OSBPL7: variants seen among roughly 807,000 people sequenced by gnomAD.
OSBPL7 encodes the protein oxysterol-binding protein-related protein 7.
Under a neutral mutation model 115.8 loss-of-function variants are expected in OSBPL7, and 66 were observed. The ratio of observed to expected loss-of-function variants is 0.57; its 90% CI spans 0.47 to 0.70. The LOEUF is 0.70. Among genes scored for constraint, OSBPL7 ranks in the 30% least tolerant of loss-of-function variants. OSBPL7 has a pLI of 0.00. For synonymous variants in OSBPL7, 441 were observed against 439.2 expected, an observed-to-expected ratio of 1.00 and a Z score of -0.05; for missense variants, 902 against 1,125.5, an observed-to-expected ratio of 0.80 and a Z score of 2.84.
intron 12 of OSBPL7, 173 bp from the exon 13 acceptor site, chr17:47,815,525 T>C (rs138568099): frequency 3.9e-6 from 3 of 763,024 alleles, no homozygotes; most frequent in East Asian, 5.4e-5. Context: ...GACAAAGGCA[T>C]AGTAAAATGA....
rs2032928418 is a variant in OSBPL7, at chr17:47,808,485, G to C, written c.2420+53C>G. 1 of 1,613,976 alleles carries C rather than the reference G, an allele frequency of 6.2e-7. No homozygotes were observed. Among genetic ancestry groups the C allele is most frequent in the South Asian group, 1.1e-5 (1 of 91,072 alleles). ...AGGTGCTGCCTCCCACACCTGCCCT[G>C]CTCCAAGCAGGGCTCATGGGGAGAC... On this transcript the variant is annotated intron_variant, in intron 22 of 22. Transcript: ENST00000007414. This position sits in a 1 kb window ranked among gnomAD's most constrained non-coding sequence, Gnocchi z 6.1.
intron 13 of OSBPL7, 175 bp from the exon 14 acceptor site, chr17:47,814,789 T>C: frequency 1.6e-6 from 1 of 624,602 alleles, no homozygotes; most frequent in Non-Finnish European, 2.8e-6. Flanking sequence ...CATCACGGAG[T>C]GTGCCCAGCC....
intron 14 of OSBPL7, among the ~76,000 whole-genome samples, chr17:47,814,120 C>G (rs1452046429): frequency 2.0e-5 from 3 of 152,204 alleles, no homozygotes; most frequent in African/African-American, 4.8e-5. Flanking sequence ...TCACCCTTGC[C>G]TTTTGTTCCC....
rs1470406365 is a variant in OSBPL7 at position 47,816,961 on chromosome 17, T to C, written c.703-89A>G. 12 of 1,305,398 alleles carry C rather than the reference T, an allele frequency of 9.2e-6. No homozygotes were observed. The African/African-American group carries it at 1.7e-4, about 19-fold the overall frequency. The allele number at this position is 1,305,398 out of a possible 1,614,324, so 80.9% of individuals were successfully genotyped here. A position where few individuals can be genotyped will look rare whatever the true frequency, so the allele number is the denominator to read the frequency against. On this transcript the variant is annotated intron_variant, in intron 8 of 22. Transcript: ENST00000007414. The surrounding 1 kb of genome is among the most constrained non-coding windows in gnomAD (Gnocchi z 5.8). The stretch of plus-strand genomic sequence containing the variant: ...AGCCTGGGAGAGGTAGACGGCCTCC[T>C]GCGCCATGGAGGAGGGCGCAGATTA...
In OSBPL7 at chr17:47,808,317, T is replaced by C; in HGVS notation, c.2503A>G (p.Asn835Asp). The C allele has an allele frequency of 1.2e-6, 2 of 1,613,728 alleles. No homozygotes were observed. Among genetic ancestry groups the C allele is most frequent in the South Asian group, 2.2e-5 (2 of 91,074 alleles). The change falls in exon 23 of 23, where the codon AAC becomes GAC. Residue 835 changes from asparagine (N) to aspartate (D), a missense_variant. By Grantham distance (23) the Asn-to-Asp change is conservative. Around this residue, in one of 3 missense-constraint regions of OSBPL7, gnomAD observed 230 missense variants for 312.7 expected, o/e 0.74. Transcript: ENST00000007414. The surrounding 1 kb of genome is among the most constrained non-coding windows in gnomAD (Gnocchi z 6.1). The stretch of plus-strand genomic sequence containing the variant: ...TACCAGAGCACGGCCCCATCCATGT[T>C]CCCATAGCCTGGCTCGGCCCGCAGC... ...WRLRAEPGYG[N>D]MDGAVLW
In OSBPL7 at chr17:47,818,297, G is replaced by C; in HGVS notation, c.570C>G (p.Asp190Glu). The change falls in exon 7 of 23, where the codon GAC becomes GAG. Residue 190 changes from aspartate (D) to glutamate (E), a missense_variant. By Grantham distance (45) the Asp-to-Glu change is conservative. Coordinates refer to ENST00000007414, the MANE Select transcript of OSBPL7 (RefSeq NM_145798.3). ...GAGAGCAGCGGTCCAGCCCATCACT[G>C]TCCCTCAGCCAGGAAGACACTTTCT... ...PREKVSSWLR[D>E]SDGLDRCSHE... The C allele has an allele frequency of 1.2e-6, 2 of 1,614,050 alleles. No individual in the cohort carries two copies. The highest frequency in any genetic ancestry group is 1.7e-6 in the Non-Finnish European group (2 of 1,179,976).
In OSBPL7 at chr17:47,808,100, A is replaced by G; in HGVS notation, c.*191T>C. On this transcript the variant is annotated 3_prime_UTR_variant, in exon 23 of 23. Transcript: ENST00000007414. This position sits in a 1 kb window ranked among gnomAD's most constrained non-coding sequence, Gnocchi z 6.1. ...TGGGGAAGCACAGATTCTGCTTCTC[A>G]CCCCAAACGGTGGGGTTGGGGGTGG... 1.7e-6 allele frequency: 1 copy of G among 590,380 alleles called. No individual in the cohort carries two copies. The highest frequency in any genetic ancestry group is 1.9e-5 in the African/African-American group (1 of 53,718). 36.6% of individuals were successfully genotyped at this position (590,380 alleles called of 1,614,324 possible).
Position 47,816,454 on chromosome 17 carries a change from G to C in OSBPL7, c.957C>G (p.Ala319=). 9 of 1,546,530 alleles carry C rather than the reference G, an allele frequency of 5.8e-6. No individual in the cohort carries two copies. Among genetic ancestry groups the C allele is most frequent in the Non-Finnish European group, 7.9e-6 (9 of 1,144,548 alleles). The change falls in exon 11 of 23, where the codon GCC becomes GCG. Residue 319 remains alanine (A), a synonymous_variant. Transcript: ENST00000007414. This position sits in a 1 kb window ranked among gnomAD's most constrained non-coding sequence, Gnocchi z 5.8. Reference sequence around the variant, plus strand: ...GTTGGTCCCGTTCCATGGTGAGGGCGGCCAGGACGCTGCTGAGGGAGCTGT... The same window carrying C: ...GTTGGTCCCGTTCCATGGTGAGGGCCGCCAGGACGCTGCTGAGGGAGCTGT... ...KVHSSLSSVL[A]ALTMERDQLR... is the part of the protein sequence containing the mutation.
chr17:47,808,086 A>G lies in OSBPL7; in HGVS notation c.*205T>C, dbSNP rs2032911076. On this transcript the variant is annotated 3_prime_UTR_variant, in exon 23 of 23. Transcript: ENST00000007414. This position sits in a 1 kb window ranked among gnomAD's most constrained non-coding sequence, Gnocchi z 6.1. Reference sequence around the variant, plus strand: ...TGGGGCAAGGAGACTGGGGAAGCACAGATTCTGCTTCTCACCCCAAACGGT... The same window carrying G: ...TGGGGCAAGGAGACTGGGGAAGCACGGATTCTGCTTCTCACCCCAAACGGT... 3 of 587,388 alleles carry G rather than the reference A, an allele frequency of 5.1e-6. No individual in the cohort carries two copies. The South Asian group carries it at 6.2e-5, about 12-fold the overall frequency. 36.4% of individuals were successfully genotyped at this position (587,388 alleles called of 1,614,324 possible).
rs1362755570 is a variant in OSBPL7, at chr17:47,816,754, T to C, written c.795+26A>G. The C allele has an allele frequency of 3.7e-6, 6 of 1,613,986 alleles. No homozygotes were observed. The highest frequency in any genetic ancestry group is 5.1e-6 in the Non-Finnish European group (6 of 1,180,008). ...CCTCCTTAGAGCATCCTGCCCCAGC[T>C]ACGTGAGGTGCATGCCCGACCTCAC... On this transcript the variant is annotated intron_variant, in intron 9 of 22. Transcript: ENST00000007414. This position sits in a 1 kb window ranked among gnomAD's most constrained non-coding sequence, Gnocchi z 5.8.
intron 13 of OSBPL7, chr17:47,814,914 G>A: frequency 1.8e-6 from 1 of 555,954 alleles, no homozygotes; most frequent in Non-Finnish European, 3.2e-6. Context: ...TTTGGAAGAG[G>A]GAATCAAGGG....
chr17:47,819,869 T>C, intron 3 of OSBPL7, 87 bp from the exon 4 acceptor site: 1 of 1,609,298 alleles, frequency 6.2e-7, no homozygotes, highest in Non-Finnish European at 8.5e-7. Flanking sequence ...TAGCTTTTCT[T>C]TTCCTTCTCA....
rs2033316499 is a variant in OSBPL7, at chr17:47,819,028, C to T, written c.327G>A (p.Gln109=). The stretch of plus-strand genomic sequence containing the variant: ...TGTCTTCAGTGTCAAGGTCAATGCG[C>T]TGGGCCTTTTTGTTGATGGACATGA... The part of the protein sequence containing the change: ...LSVMSINKKA[Q]RIDLDTEDNI... The change falls in exon 5 of 23, where the codon CAG becomes CAA. Residue 109 remains glutamine (Q), a synonymous_variant. Transcript: ENST00000007414. The T allele has an allele frequency of 1.4e-5, 23 of 1,614,062 alleles. No homozygotes were observed. The highest frequency in any genetic ancestry group is 1.9e-5 in the Non-Finnish European group (22 of 1,180,024).
At chr17:47,821,504 G>T (rs555604716) in intron 1 of OSBPL7, among the ~76,000 whole-genome samples, 162 bp downstream of exon 1, 154 of 152,322 alleles carry the variant, frequency 1.0e-3, no homozygotes, top group Middle Eastern at 6.8e-3. Context: ...GCCCCTCACT[G>T]CTTGTGGGTA....
intron 16 of OSBPL7, among the ~76,000 whole-genome samples, chr17:47,812,137 A>G (rs1050979952): frequency 3.9e-5 from 6 of 152,130 alleles, no homozygotes; most frequent in Non-Finnish European, 7.4e-5. Context: ...TTTGGAAAAT[A>G]GTCTGCTTTT....
rs371123008 is a variant in OSBPL7, at chr17:47,819,912, GC to G, written c.201+58del. ...AACACCATTGGACTGCCCAGCAGCT[GC>G]CCCCCATTCCCACCCCGCCCCCCAT... On this transcript the variant is annotated intron_variant, in intron 3 of 22. Transcript: ENST00000007414. 10 of 1,486,064 alleles carry G rather than the reference GC, an allele frequency of 6.7e-6. No homozygotes were observed. The African/African-American group carries it at 9.8e-5, about 15-fold the overall frequency. The allele number at this position is 1,486,064 out of a possible 1,614,324, so 92.1% of individuals were successfully genotyped here.
At chr17:47,815,579 T>C (rs1039253780) in intron 12 of OSBPL7, 34 of 575,242 alleles carry the variant, frequency 5.9e-5, no homozygotes, top group Non-Finnish European at 7.9e-5. Context: ...ATTATAACTG[T>C]TTACACTTCC....
At chr17:47,818,450 T>G in intron 6 of OSBPL7, 56 bp downstream of exon 6, 1 of 1,591,244 alleles carries the variant, frequency 6.3e-7, no homozygotes, top group Non-Finnish European at 8.6e-7. Context: ...CAGTTCTCCA[T>G]AGCCCTTGCC....
intron 12 of OSBPL7, chr17:47,815,851 GC>G (rs2033196994): frequency 4.7e-6 from 2 of 423,706 alleles, no homozygotes; most frequent in Non-Finnish European, 8.4e-6. Context: ...GATCCTTTGA[GC>G]CTCAGTTTTG....
Sources: gnomAD v4.1 joint callset for allele counts (sites outside exome capture counted in the v4.1 genomes callset) on GRCh38, gnomAD v4.1.1 for gene constraint, gnomAD v4.1.1 regional missense constraint, Gnocchi (gnomAD v3.1) non-coding constraint, MANE v1.5 for transcripts, NCBI Gene and HGNC (gene_info 2026-07-23, HGNC 2026-07-21) for gene names.